TIA1: variants seen among roughly 807,000 people sequenced by gnomAD.
TIA1 encodes cytotoxic granule associated RNA binding protein TIA1.
Under a neutral mutation model 65.9 loss-of-function variants are expected in TIA1, and 23 were observed. The observed-to-expected ratio is 0.35, with a 90% CI of 0.25 to 0.49. The LOEUF (loss-of-function observed/expected upper bound fraction) is 0.49, where lower values mean the gene tolerates loss of function less well. Ranked by LOEUF, TIA1 falls within the 20% of genes least tolerant of loss-of-function variation. The pLI is 0.98. For synonymous variants in TIA1, 147 were observed against 149.4 expected (o/e 0.98, Z 0.12); for missense variants, 371 against 477.9 (o/e 0.78, Z 2.09).
Position 70,214,415 on chromosome 2 carries a change from A to G in TIA1, c.968T>C (p.Met323Thr). 1.2e-6 allele frequency: 2 copies of G among 1,614,094 alleles called. 1 individual carries two copies. The highest frequency in any genetic ancestry group is 2.2e-5 in the South Asian group (2 of 91,078). Residue 323 changes from methionine (M) to threonine (T), a missense_variant, in exon 12 of 13, where the codon ATG becomes ACG. Coordinates refer to ENST00000433529, the MANE Select transcript of TIA1 (RefSeq NM_022173.4). Reference sequence around the variant, plus strand: ...TGCAGGAACTTGCCAACCATTAGGCATATACTGGCCAATTTGTTGTGCATT... The same window carrying G: ...TGCAGGAACTTGCCAACCATTAGGCGTATACTGGCCAATTTGTTGTGCATT... ...YGNAQQIGQY[M>T]PNGWQVPAYG...
In TIA1 at chr2:70,216,469, A is replaced by G; in HGVS notation, c.614T>C (p.Val205Ala). The change falls in exon 9 of 13, where the codon GTT becomes GCT. Residue 205 changes from valine (V) to alanine (A), a missense_variant. Physicochemically the swap from Val to Ala is moderately conservative, Grantham distance 64. Coordinates refer to ENST00000433529, the MANE Select transcript of TIA1 (RefSeq NM_022173.4). ...GTTGCTTGGACTAGACTGATTTACA[A>G]CCTCATCATATGATAGCTGTTTGGT... is the stretch of plus-strand genomic sequence containing the variant. Reference protein sequence around the residue: ...SNTKQLSYDEVVNQSSPSNCT... With the variant: ...SNTKQLSYDEAVNQSSPSNCT... 6 of 1,613,980 alleles carry G rather than the reference A, an allele frequency of 3.7e-6. No individual in the cohort carries two copies. Among genetic ancestry groups the G allele is most frequent in the Admixed American group, 1.7e-5 (1 of 59,996 alleles).
chr2:70,244,357 T>A lies in TIA1; in HGVS notation c.26+4048A>T, dbSNP rs950934888. Reference sequence around the variant, plus strand: ...TTACCATCTAACATAATTACTTATGTAAATTCGTAAAAGGCCTATTATATG... The same window carrying A: ...TTACCATCTAACATAATTACTTATGAAAATTCGTAAAAGGCCTATTATATG... On this transcript the variant is annotated intron_variant, in intron 1 of 12. Coordinates refer to ENST00000433529, the MANE Select transcript of TIA1 (RefSeq NM_022173.4). Among the ~76,000 whole-genome samples the A allele has an allele frequency of 5.9e-5, 9 of 152,212 alleles. No individual in the cohort carries two copies. In the East Asian group the frequency reaches 1.5e-3, roughly 26 times the overall value.
At chr2:70,244,271 A>AT (rs1363428152) in intron 1 of TIA1, among the ~76,000 whole-genome samples, 2 of 152,076 alleles carry the variant, frequency 1.3e-5, no homozygotes, top group Non-Finnish European at 2.9e-5. Flanking sequence ...TATTCTCTAT[A>AT]AATATCCACC....
At chr2:70,228,590 CT>C in intron 5 of TIA1, 1 of 1,104,004 alleles carries the variant, frequency 9.1e-7, no homozygotes, top group Non-Finnish European at 1.1e-6. Flanking sequence ...AAAAGAAACA[CT>C]TTAAAAATGC....
rs934103840 is a variant in TIA1 at position 70,235,139 on chromosome 2, G to C, written c.123+940C>G. On this transcript the variant is annotated intron_variant, in intron 2 of 12. Coordinates refer to ENST00000433529, the MANE Select transcript of TIA1 (RefSeq NM_022173.4). ...CTTTCCCATTAAAAAATTTAGGCCA[G>C]GTACAGTGGCTCATACCTGTAATCC... Among the ~76,000 whole-genome samples, 17 of 152,220 alleles carry C rather than the reference G, an allele frequency of 1.1e-4. No individual in the cohort carries two copies. In the East Asian group the frequency reaches 3.1e-3, roughly 28 times the overall value.
chr2:70,232,308 AG>A (rs1185138967), intron 2 of TIA1, among the ~76,000 whole-genome samples: 1 of 151,784 alleles, frequency 6.6e-6, no homozygotes, highest in Admixed American at 6.6e-5. Flanking sequence ...TGGGAGGCCA[AG>A]GTGGGCTGAT....
chr2:70,213,745 A>G (rs1238448174), intron 12 of TIA1, among the ~76,000 whole-genome samples: 1 of 151,714 alleles, frequency 6.6e-6, no homozygotes, highest in African/African-American at 2.4e-5. Flanking sequence ...TCCGCCTCCC[A>G]GGTTCAAGTG....
rs1224666937 is a variant in TIA1 at position 70,216,209 on chromosome 2, G to A, written c.763C>T (p.Arg255Trp). 6 of 1,568,132 alleles carry A rather than the reference G, an allele frequency of 3.8e-6. No individual in the cohort carries two copies. Among genetic ancestry groups the A allele is most frequent in the Admixed American group, 2.1e-5 (1 of 48,436 alleles). Residue 255 changes from arginine to tryptophan, a missense_variant and splice_region_variant, in exon 10 of 13, where the codon CGG becomes TGG. Coordinates refer to ENST00000433529, the MANE Select transcript of TIA1 (RefSeq NM_022173.4). ...VFPDKGYSFVRFNSHESAAHA... is the reference protein window; with the variant it reads ...VFPDKGYSFVWFNSHESAAHA... ...GTTTTTTTAAAAAACCATCCCTACC[G>A]AACAAATGAATATCCTTTATCTGGA... is the stretch of plus-strand genomic sequence containing the variant.
Position 70,223,342 on chromosome 2 carries a change from G to GA in TIA1, c.474+1211dup, listed in dbSNP as rs797000314. On this transcript the variant is annotated intron_variant, in intron 7 of 12. Transcript: ENST00000433529. ...TAATTTTTATTTTCTCATCTTACAGGAAAAAAAAAATCTTTGGTAGATGGG... is the reference window on the plus strand; with the variant it reads ...TAATTTTTATTTTCTCATCTTACAGGAAAAAAAAAAATCTTTGGTAGATGGG... Among the ~76,000 whole-genome samples, 1,044 of 149,148 alleles carry GA rather than the reference G, an allele frequency of 7.0e-3. 8 individuals carry two copies. The highest frequency in any genetic ancestry group is 0.023 in the African/African-American group (942 of 40,748).
upstream of TIA1, chr2:70,248,753 C>A: frequency 2.5e-6 from 1 of 401,272 alleles, no homozygotes; most frequent in Non-Finnish European, 4.5e-6. Context: ...GTTGCGCAGC[C>A]GCTCTTCCAC....
chr2:70,220,012 T>C (rs1416082192), intron 7 of TIA1, among the ~76,000 whole-genome samples: 1 of 151,452 alleles, frequency 6.6e-6, no homozygotes, highest in Non-Finnish European at 1.5e-5. Flanking sequence ...CTGGTATCTG[T>C]GAAATATGGC....
rs1219410531 is a variant in TIA1 at position 70,228,915 on chromosome 2, A to G, written c.310+144T>C. 1.1e-4 allele frequency: 121 copies of G among 1,140,692 alleles called. 1 individual carries two copies. The highest frequency in any genetic ancestry group is 3.7e-4 in the East Asian group (9 of 24,196). 70.7% of individuals were successfully genotyped at this position (1,140,692 alleles called of 1,614,324 possible). A position where few individuals can be genotyped will look rare whatever the true frequency, so the allele number is the denominator to read the frequency against. ...AAGTTATACTTGGTCAACACTGAGA[A>G]GGGAGAAAAGTATTGCTAGAGAGAC... On this transcript the variant is annotated intron_variant, in intron 5 of 12. Transcript: ENST00000433529.
Position 70,216,914 on chromosome 2 carries a change from C to T in TIA1, c.555G>A (p.Lys185=). 15 of 1,614,028 alleles carry T rather than the reference C, an allele frequency of 9.3e-6. No homozygotes were observed. Among genetic ancestry groups the T allele is most frequent in the Non-Finnish European group, 1.3e-5 (15 of 1,179,952 alleles). The change falls in exon 8 of 13, where the codon AAG becomes AAA. Residue 185 remains lysine, a synonymous_variant. Transcript: ENST00000433529. Reference sequence around the variant, plus strand: ...CATATGTACTCTTTGGAGCGGGAGGCTTTCGGGTTGCCCAGTTAGTTCTGA... The same window carrying T: ...CATATGTACTCTTTGGAGCGGGAGGTTTTCGGGTTGCCCAGTTAGTTCTGA... The part of the protein sequence containing the change: ...RQIRTNWATR[K]PPAPKSTYES...
At chr2:70,232,562 AAAAAAAAAAAAAT>A (rs919424936) in intron 2 of TIA1, among the ~76,000 whole-genome samples, 1 of 142,462 alleles carries the variant, frequency 7.0e-6, no homozygotes, top group Non-Finnish European at 1.5e-5. Flanking sequence ...AAAAAAAAAA[AAAAAAAAAAAAAT>A]TATCTTCCCT....
intron 2 of TIA1, among the ~76,000 whole-genome samples, chr2:70,234,034 GT>G (rs1006859300): frequency 1.3e-5 from 2 of 152,150 alleles, no homozygotes; most frequent in African/African-American, 4.8e-5. Flanking sequence ...GGCTAACCTG[GT>G]TTTTTCTGTA....
At chr2:70,242,867 C>G (rs760892057) in intron 1 of TIA1, among the ~76,000 whole-genome samples, 57 of 152,148 alleles carry the variant, frequency 3.7e-4, no homozygotes, top group Middle Eastern at 3.4e-3. Flanking sequence ...GGAACAGTTT[C>G]ATCCTGAAAC....
intron 7 of TIA1, among the ~76,000 whole-genome samples, chr2:70,223,144 C>T (rs1682260747): frequency 6.6e-6 from 1 of 152,172 alleles, no homozygotes; most frequent in Admixed American, 6.5e-5. Context: ...GCCCATCAAA[C>T]CGCCAATTTA....
intron 11 of TIA1, 115 bp downstream of exon 11, chr2:70,215,256 C>A: frequency 7.6e-7 from 1 of 1,320,060 alleles, no homozygotes; most frequent in Non-Finnish European, 1.1e-6. Flanking sequence ...TAGGAAGAGC[C>A]CTTATATACT....
intron 1 of TIA1, among the ~76,000 whole-genome samples, chr2:70,238,403 TG>T (rs1690096777): frequency 6.7e-6 from 1 of 149,098 alleles, no homozygotes; most frequent in Admixed American, 6.8e-5. Context: ...CCCACGTAGC[TG>T]GGGCTACAGG....
Sources: gnomAD v4.1 joint callset for allele counts (sites outside exome capture counted in the v4.1 genomes callset) on GRCh38, gnomAD v4.1.1 for gene constraint, MANE v1.5 for transcripts, NCBI Gene and HGNC (gene_info 2026-07-23, HGNC 2026-07-21) for gene names.